Variants in GPR89B observed in about 807,000 individuals in gnomAD.
GPR89B encodes golgi pH regulator B.
In GPR89B, 25 loss-of-function variants were observed where a neutral mutation model predicts 52.4. The observed-to-expected ratio is 0.48, with a 90% CI of 0.35 to 0.67. The LOEUF (loss-of-function observed/expected upper bound fraction) is 0.67, where lower values mean the gene tolerates loss of function less well. Among genes scored for constraint, GPR89B ranks in the 30% least tolerant of loss-of-function variants. The pLI, the probability that GPR89B is intolerant of heterozygous loss-of-function variation, is 0.01. For missense variants in GPR89B, 146 were observed against 450.2 expected (o/e 0.32, Z 6.11); for synonymous variants, 52 against 151.2 (o/e 0.34, Z 4.81).
chr1:148,010,457 C>G, the GPR89B span: 1 of 152,086 alleles, frequency 6.6e-6, no homozygotes, highest in Admixed American at 6.6e-5. Context: ...CTCACTCTCA[C>G]CTTTGTAGGT....
At chr1:147,957,642 T>C (rs1656213435) in intron 7 of GPR89B, among the ~76,000 whole-genome samples, 1 of 151,720 alleles carries the variant, frequency 6.6e-6, no homozygotes. Flanking sequence ...AAAGTTATTA[T>C]TACCCATAAG....
the GPR89B span, chr1:148,010,830 T>A: frequency 1.3e-5 from 2 of 152,260 alleles, no homozygotes; most frequent in African/African-American, 4.8e-5. Context: ...AGAGCCTGTT[T>A]CACAATTAGG....
chr1:147,968,491 A>T (rs1487265437), intron 8 of GPR89B: 1 of 373,024 alleles, frequency 2.7e-6, no homozygotes, highest in South Asian at 2.1e-5. Context: ...CTTTTCTAAC[A>T]TTATATTCAG....
chr1:148,018,526 G>A, the GPR89B span, among the ~76,000 whole-genome samples: 1 of 151,152 alleles, frequency 6.6e-6, no homozygotes, highest in Admixed American at 6.6e-5. Flanking sequence ...GACTAACTAT[G>A]CCCATCATCT....
intron 7 of GPR89B, among the ~76,000 whole-genome samples, chr1:147,963,375 TA>T (rs71077287): frequency 0.096 from 13,560 of 141,056 alleles, 21 homozygotes; most frequent in East Asian, 0.18. Flanking sequence ...GACTCCTTCT[TA>T]AAAAAAAAAA....
At position 147,963,657 on chromosome 1, in the gene GPR89B, A is replaced by C. The variant is rs1365709630; in HGVS notation, c.618-2897A>C. Among the ~76,000 whole-genome samples the C allele has an allele frequency of 1.1e-4, 16 of 152,232 alleles. No homozygotes were observed. In the South Asian group the frequency reaches 3.3e-3, roughly 32 times the overall value. ...ACATCGAGATAATCACTACACACCT[A>C]TCAGAATAGCTAAAATAAAAATTAG... On this transcript the variant is annotated intron_variant, in intron 7 of 13. Coordinates refer to ENST00000314163, the MANE Select transcript of GPR89B (RefSeq NM_016334.5).
chr1:147,972,537 T>C (rs1240216194), intron 10 of GPR89B, among the ~76,000 whole-genome samples: 71 of 151,956 alleles, frequency 4.7e-4, no homozygotes, highest in African/African-American at 1.7e-3. Flanking sequence ...CGAGGTGATA[T>C]TGCATTGTGG....
chr1:147,960,447 CTT>C (rs1656450408), intron 7 of GPR89B, among the ~76,000 whole-genome samples: 3 of 152,096 alleles, frequency 2.0e-5, no homozygotes, highest in Admixed American at 6.5e-5. Flanking sequence ...GAAATGGAAA[CTT>C]TTAAAAAACA....
At chr1:147,928,633 C>T in intron 1 of GPR89B, 55 bp downstream of exon 1, 2 of 1,608,954 alleles carry the variant, frequency 1.2e-6, no homozygotes, top group Non-Finnish European at 1.7e-6. Flanking sequence ...CCGAATCGCC[C>T]TCTCCGGTCC....
At chr1:147,977,261 A>C (rs1274134940) in intron 10 of GPR89B, among the ~76,000 whole-genome samples, 2 of 149,588 alleles carry the variant, frequency 1.3e-5, no homozygotes, top group South Asian at 2.1e-4. Flanking sequence ...AAAAAAAAAA[A>C]ACAGAATGTT....
At chr1:147,990,717 A>G (rs1659003842) in intron 12 of GPR89B, among the ~76,000 whole-genome samples, 1 of 151,840 alleles carries the variant, frequency 6.6e-6, no homozygotes, top group Non-Finnish European at 1.5e-5. Context: ...TCCCTTCCCC[A>G]TTTCTTGTTT....
intron 10 of GPR89B, among the ~76,000 whole-genome samples, chr1:147,982,262 A>G (rs1658314409): frequency 6.6e-6 from 1 of 151,478 alleles, no homozygotes. Context: ...GGGTTTCACC[A>G]TATTGGCCAG....
intron 10 of GPR89B, among the ~76,000 whole-genome samples, chr1:147,972,299 T>C (rs1657529296): frequency 6.6e-6 from 1 of 151,636 alleles, no homozygotes; most frequent in Non-Finnish European, 1.5e-5. Context: ...TGTGTACAAT[T>C]TTTTGTATAG....
At chr1:147,970,428 C>T (rs1330154367) in intron 10 of GPR89B, among the ~76,000 whole-genome samples, 1 of 150,928 alleles carries the variant, frequency 6.6e-6, no homozygotes, top group Non-Finnish European at 1.5e-5. Flanking sequence ...ACCCGAGAGG[C>T]GGACGTTGCA....
intron 10 of GPR89B, among the ~76,000 whole-genome samples, chr1:147,975,726 C>G (rs2149083201): frequency 6.6e-6 from 1 of 152,226 alleles, no homozygotes; most frequent in Non-Finnish European, 1.5e-5. Flanking sequence ...TCTTGGTTCT[C>G]TAGTTCTTTT....
chr1:147,972,808 C>T (rs1260385506), intron 10 of GPR89B, among the ~76,000 whole-genome samples: 1 of 148,828 alleles, frequency 6.7e-6, no homozygotes, highest in Non-Finnish European at 1.5e-5. Flanking sequence ...GATGCTCTCC[C>T]TCCCCCTCCC....
chr1:147,970,491 ATCTCTCTCTCTC>A (rs1174595676), intron 10 of GPR89B, among the ~76,000 whole-genome samples: 50 of 105,812 alleles, frequency 4.7e-4, no homozygotes, highest in African/African-American at 9.3e-4. Context: ...GTGAGACTCC[ATCTCTCTCTCTC>A]TCTCTCTCTC....
chr1:147,929,402 A>G (rs1653338330), intron 1 of GPR89B, among the ~76,000 whole-genome samples: 1 of 151,698 alleles, frequency 6.6e-6, no homozygotes, highest in African/African-American at 2.4e-5. Flanking sequence ...TGTGTTTCTG[A>G]TTTTGTTTTT....
intron 10 of GPR89B, among the ~76,000 whole-genome samples, chr1:147,980,773 C>T (rs1279041881): frequency 6.8e-6 from 1 of 147,148 alleles, no homozygotes. Context: ...GAGCCGAGAT[C>T]CCGCCACTGC....
Sources: gnomAD v4.1 joint callset for allele counts (sites outside exome capture counted in the v4.1 genomes callset) on GRCh38, gnomAD v4.1.1 for gene constraint, MANE v1.5 for transcripts, NCBI Gene and HGNC (gene_info 2026-07-23, HGNC 2026-07-21) for gene names.